CAPN1: variants seen among roughly 807,000 people sequenced by gnomAD.
The protein encoded by CAPN1 is calpain-1 catalytic subunit.
CAPN1 carries 77 observed loss-of-function variants against 105.2 expected under a neutral mutation model. The ratio of observed to expected loss-of-function variants is 0.73; its 90% confidence interval spans 0.61 to 0.88. The LOEUF is 0.88. Among genes scored for constraint, CAPN1 ranks in the 40% least tolerant of loss-of-function variants. The probability of loss-of-function intolerance (pLI) is 0.00; values close to 1 mark genes in which losing one functional copy is unlikely to be tolerated. For missense variants in CAPN1, 833 were observed against 976.6 expected (o/e 0.85, Z 1.96); for synonymous variants, 355 against 388.8 (o/e 0.91, Z 1.02).
intron 14 of CAPN1, among the ~76,000 whole-genome samples, chr11:65,207,838 C>T (rs2137393464): frequency 6.6e-6 from 1 of 152,120 alleles, no homozygotes; most frequent in East Asian, 1.9e-4. Context: ...GGCTTGAGCC[C>T]GGGAGGCGGA....
chr11:65,204,666 T>G lies in CAPN1; in HGVS notation c.1166-17T>G, dbSNP rs2137380890. On this transcript the variant is annotated splice_polypyrimidine_tract_variant and intron_variant, in intron 10 of 21. Coordinates refer to ENST00000279247, the MANE Select transcript of CAPN1 (RefSeq NM_005186.4). ...CCCCGCCCTGCCTCTGATCCCCGCC[T>G]CCTCACCTGCCCGCAGCCACCTTCT... 1 of 1,602,566 alleles carries G rather than the reference T, an allele frequency of 6.2e-7. No individual in the cohort carries two copies. The highest frequency in any genetic ancestry group is 1.1e-5 in the South Asian group (1 of 90,922).
rs761506141 is a variant in CAPN1 at position 65,188,495 on chromosome 11, G to A, written c.1004+7G>A. 8.7e-6 allele frequency: 14 copies of A among 1,611,998 alleles called. No individual in the cohort carries two copies. The highest frequency in any genetic ancestry group is 3.3e-5 in the South Asian group (3 of 90,802). The stretch of plus-strand genomic sequence containing the variant: ...TGGAGGACGGGGAGTTCTGGTGAGC[G>A]CCCCCTCCCCTTCTACCCCACCTCT... On this transcript the variant is annotated splice_region_variant and intron_variant, in intron 9 of 21. Transcript: ENST00000279247. This position sits in a 1 kb window ranked among gnomAD's most constrained non-coding sequence, Gnocchi z 5.5.
chr11:65,197,542 T>G (rs548273988), intron 10 of CAPN1, among the ~76,000 whole-genome samples: 17 of 152,188 alleles, frequency 1.1e-4, no homozygotes, highest in Non-Finnish European at 2.4e-4. Context: ...AGCCCAATGT[T>G]TTGTTTTCTT....
At chr11:65,190,565 C>T (rs1471341598) in intron 10 of CAPN1, among the ~76,000 whole-genome samples, 1 of 152,172 alleles carries the variant, frequency 6.6e-6, no homozygotes, top group Non-Finnish European at 1.5e-5. Context: ...TGGTCTGTTT[C>T]TGGACTCACC....
intron 4 of CAPN1, among the ~76,000 whole-genome samples, chr11:65,185,120 G>A (rs941612115): frequency 6.6e-6 from 1 of 152,006 alleles, no homozygotes; most frequent in Non-Finnish European, 1.5e-5. Flanking sequence ...ACAAAAGGAG[G>A]TTAGTAGGAG....
At chr11:65,186,460 C>G (rs1590849795) in intron 6 of CAPN1, 122 bp downstream of exon 6, 2 of 853,488 alleles carry the variant, frequency 2.3e-6, no homozygotes, top group South Asian at 3.6e-5. Context: ...AGCTTCATCT[C>G]TGGATGCATA....
In CAPN1 at chr11:65,209,290, A is replaced by AGGT; in HGVS notation, c.1730-30_1730-28dup. 6.3e-7 allele frequency: 1 copy of AGGT among 1,593,872 alleles called. No individual in the cohort carries two copies. Among genetic ancestry groups the AGGT allele is most frequent in the African/African-American group, 1.3e-5 (1 of 74,652 alleles). On this transcript the variant is annotated intron_variant, in intron 16 of 21. Coordinates refer to ENST00000279247, the MANE Select transcript of CAPN1 (RefSeq NM_005186.4). This position sits in a 1 kb window ranked among gnomAD's most constrained non-coding sequence, Gnocchi z 4.1. Reference sequence around the variant, plus strand: ...CAGGGGCAGGTGCAGGAAGCTCACTAGGTGGAGATGTTGGAATTGGTTTTT... The same window carrying AGGT: ...CAGGGGCAGGTGCAGGAAGCTCACTAGGTGGTGGAGATGTTGGAATTGGTTTTT...
intron 3 of CAPN1, 98 bp downstream of exon 3, chr11:65,183,295 C>A: frequency 1.6e-6 from 2 of 1,278,872 alleles, no homozygotes; most frequent in Non-Finnish European, 2.3e-6. Context: ...TCTTGCAAGC[C>A]CAGGCAGGAT....
Position 65,209,875 on chromosome 11 carries a change from G to A in CAPN1, c.1821G>A (p.Leu607=). Reference sequence around the variant, plus strand: ...GTGATGGCAATGGGAAGCTGGGCCTGGTGGAGTTCAACATCCTGTGGAACC... The same window carrying A: ...GTGATGGCAATGGGAAGCTGGGCCTAGTGGAGTTCAACATCCTGTGGAACC... ...MDRDGNGKLG[L]VEFNILWNRI... The change falls in exon 18 of 22, where the codon CTG becomes CTA. Residue 607 remains leucine (L), a synonymous_variant. Coordinates refer to ENST00000279247, the MANE Select transcript of CAPN1 (RefSeq NM_005186.4). The surrounding 1 kb of genome is among the most constrained non-coding windows in gnomAD (Gnocchi z 4.1). 6.2e-7 allele frequency: 1 copy of A among 1,613,746 alleles called. No individual in the cohort carries two copies. The highest frequency in any genetic ancestry group is 8.5e-7 in the Non-Finnish European group (1 of 1,179,868).
At chr11:65,192,122 C>T (rs1272751493) in intron 10 of CAPN1, among the ~76,000 whole-genome samples, 1 of 152,054 alleles carries the variant, frequency 6.6e-6, no homozygotes, top group Non-Finnish European at 1.5e-5. Flanking sequence ...GTAGTCCCAG[C>T]CACTCAGGAG....
In CAPN1 at chr11:65,188,133, T is replaced by G; in HGVS notation, c.929+93T>G. On this transcript the variant is annotated intron_variant, in intron 8 of 21. Coordinates refer to ENST00000279247, the MANE Select transcript of CAPN1 (RefSeq NM_005186.4). The surrounding 1 kb of genome is among the most constrained non-coding windows in gnomAD (Gnocchi z 5.5). ...GGGACTCTACCAGGCCAGGCTGGAC[T>G]CAGGATTGAGCAGAGGGGCCCATCT... is the stretch of plus-strand genomic sequence containing the variant. 1 of 950,346 alleles carries G rather than the reference T, an allele frequency of 1.1e-6. No individual in the cohort carries two copies. Among genetic ancestry groups the G allele is most frequent in the South Asian group, 1.7e-5 (1 of 60,350 alleles). The allele number at this position is 950,346 out of a possible 1,614,324, so 58.9% of individuals were successfully genotyped here.
intron 14 of CAPN1, 64 bp downstream of exon 14, chr11:65,206,883 G>C: frequency 9.4e-6 from 14 of 1,485,766 alleles, no homozygotes; most frequent in Non-Finnish European, 1.2e-5. Context: ...TGTGTGATGG[G>C]GACCCAGGTG....
intron 10 of CAPN1, among the ~76,000 whole-genome samples, chr11:65,200,149 A>C (rs1016129053): frequency 6.6e-6 from 1 of 152,112 alleles, no homozygotes; most frequent in African/African-American, 2.4e-5. Context: ...TCCCAGGCTC[A>C]AGGAATCCTT....
chr11:65,207,970 A>G (rs1948986579), intron 14 of CAPN1, 85 bp from the exon 15 acceptor site: 1 of 905,228 alleles, frequency 1.1e-6, no homozygotes, highest in South Asian at 1.5e-5. Flanking sequence ...TGTAGCAGAT[A>G]TGTGACCTCA....
intron 10 of CAPN1, among the ~76,000 whole-genome samples, chr11:65,201,196 G>A (rs1333427797): frequency 6.6e-6 from 1 of 151,500 alleles, no homozygotes; most frequent in African/African-American, 2.4e-5. Flanking sequence ...CGCCCATCTT[G>A]GCCTCCCAAA....
chr11:65,185,308 A>G (rs1948615889), intron 4 of CAPN1, among the ~76,000 whole-genome samples: 2 of 151,960 alleles, frequency 1.3e-5, no homozygotes, highest in Non-Finnish European at 2.9e-5. Context: ...GGCAAGACAG[A>G]CTATGGAAGG....
chr11:65,205,969 CAT>C, intron 12 of CAPN1: 1 of 555,770 alleles, frequency 1.8e-6, no homozygotes, highest in Admixed American at 3.1e-5. Context: ...GACATGTACA[CAT>C]GAGGCTTTTC....
chr11:65,188,484 T>C lies in CAPN1; in HGVS notation c.1000T>C (p.Phe334Leu). The C allele has an allele frequency of 6.2e-7, 1 of 1,612,394 alleles. No homozygotes were observed. The highest frequency in any genetic ancestry group is 1.1e-5 in the South Asian group (1 of 90,846). ...QLRVKMEDGE[F>L]WMSFRDFMRE... The stretch of plus-strand genomic sequence containing the variant: ...CCGGGTCAAGATGGAGGACGGGGAG[T>C]TCTGGTGAGCGCCCCCTCCCCTTCT... The change falls in exon 9 of 22, where the codon TTC (phenylalanine) becomes CTC (leucine). Residue 334 changes from phenylalanine to leucine, a missense_variant. By Grantham distance (22) the Phe-to-Leu change is conservative. Transcript: ENST00000279247. The surrounding 1 kb of genome is among the most constrained non-coding windows in gnomAD (Gnocchi z 5.5).
chr11:65,183,247 C>G (rs1362044734), intron 3 of CAPN1, 50 bp downstream of exon 3: 8 of 1,532,946 alleles, frequency 5.2e-6, no homozygotes, highest in Non-Finnish European at 7.2e-6. Context: ...CAGTAGTTCC[C>G]CATTCCCGCT....
Sources: allele counts gnomAD v4.1 joint callset (sites outside exome capture counted in the v4.1 genomes callset), GRCh38; gene constraint gnomAD v4.1.1; non-coding constraint Gnocchi (gnomAD v3.1); transcripts MANE v1.5; gene names NCBI Gene and HGNC (gene_info 2026-07-23, HGNC 2026-07-21).